NFYB: variants seen among roughly 807,000 people sequenced by gnomAD.
The protein encoded by NFYB is CAAT box DNA-binding protein subunit B.
A neutral mutation model predicts 28.0 loss-of-function variants in NFYB; 13 were observed. The ratio of observed to expected loss-of-function variants is 0.46; its 90% CI spans 0.30 to 0.74. The LOEUF is 0.74. NFYB is among the 30% of genes least tolerant of loss of function. The probability of loss-of-function intolerance (pLI) is 0.07; values close to 1 mark genes in which losing one functional copy is unlikely to be tolerated. For synonymous variants in NFYB, 74 were observed against 75.0 expected, an observed-to-expected ratio of 0.99 and a Z score of 0.07; for missense variants, 142 against 247.6, an observed-to-expected ratio of 0.57 and a Z score of 2.86.
intron 2 of NFYB, among the ~76,000 whole-genome samples, chr12:104,133,779 A>G (rs568847514): frequency 6.4e-4 from 97 of 152,238 alleles, no homozygotes; most frequent in Non-Finnish European, 1.1e-3. Context: ...TTCCTCTTCT[A>G]TAATGTATCT....
chr12:104,131,704 G>A, intron 2 of NFYB: 1 of 455,486 alleles, frequency 2.2e-6, no homozygotes, highest in Non-Finnish European at 4.4e-6. Context: ...ACTGTAGATT[G>A]TCAGTAAGCC....
intron 3 of NFYB, among the ~76,000 whole-genome samples, chr12:104,128,115 A>G (rs1179897028): frequency 2.0e-5 from 3 of 152,182 alleles, no homozygotes; most frequent in Non-Finnish European, 4.4e-5. Context: ...TAGTTACCCT[A>G]TCAATTGATT....
intron 2 of NFYB, chr12:104,131,907 G>A (rs1441509532): frequency 5.4e-6 from 2 of 371,356 alleles, no homozygotes; most frequent in Non-Finnish European, 1.1e-5. Context: ...CTCTGGAATC[G>A]AATCACCTAG....
chr12:104,124,019 CT>C (rs2030586964), intron 4 of NFYB, among the ~76,000 whole-genome samples: 1 of 152,128 alleles, frequency 6.6e-6, no homozygotes. Context: ...CTGGATGTTC[CT>C]ACCACCCCAC....
At chr12:104,133,304 T>C (rs1415742262) in intron 2 of NFYB, among the ~76,000 whole-genome samples, 1 of 152,232 alleles carries the variant, frequency 6.6e-6, no homozygotes, top group African/African-American at 2.4e-5. Flanking sequence ...CATTCCTGCC[T>C]GGTAGTTTTT....
chr12:104,125,414 G>A (rs1041038049), intron 4 of NFYB: 4 of 151,838 alleles, frequency 2.6e-5, no homozygotes, highest in Non-Finnish European at 5.8e-5. Context: ...TTGAACCTGG[G>A]AGGTGGAGGT....
chr12:104,137,984 G>A (rs1477729875), intron 1 of NFYB, 157 bp downstream of exon 1: 1 of 145,392 alleles, frequency 6.9e-6, no homozygotes, highest in Admixed American at 6.8e-5. Flanking sequence ...TCGCAGGCGC[G>A]GGGCCCGGCC....
rs748853234 is a variant in NFYB at position 104,135,447 on chromosome 12, C to G, written c.6+1G>C. On this transcript the variant is annotated splice_donor_variant, in intron 2 of 7. Coordinates refer to ENST00000240055, the MANE Select transcript of NFYB (RefSeq NM_006166.4). LOFTEE classifies it high-confidence loss of function. ...CAACCAAAATGGTAAAATATACTTACTGTCATGAAATACTGTCAGAACCGT... is the reference window on the plus strand; with the variant it reads ...CAACCAAAATGGTAAAATATACTTAGTGTCATGAAATACTGTCAGAACCGT... The G allele has an allele frequency of 3.8e-6, 6 of 1,590,994 alleles. No individual in the cohort carries two copies. Among genetic ancestry groups the G allele is most frequent in the Non-Finnish European group, 4.3e-6 (5 of 1,171,324 alleles).
At chr12:104,126,085 A>G (rs777664845) in intron 4 of NFYB, 29 bp downstream of exon 4, 1 of 1,543,922 alleles carries the variant, frequency 6.5e-7, no homozygotes, top group African/African-American at 1.4e-5. Flanking sequence ...CCCTTGAAAA[A>G]ACCTAGTTAA....
rs1238181073 is a variant in NFYB, at chr12:104,138,201, G to C, written c.-140C>G. 6.7e-6 allele frequency: 1 copy of C among 148,450 alleles called. No homozygotes were observed. Among genetic ancestry groups the C allele is most frequent in the Admixed American group, 6.7e-5 (1 of 14,906 alleles). 9.2% of individuals were successfully genotyped at this position (148,450 alleles called of 1,614,324 possible). Reference sequence around the variant, plus strand: ...CGGCTGTTTGGTTGGACAGAAAATGGCTGCGAAGGAACCAGTCCCAGCGCG... The same window carrying C: ...CGGCTGTTTGGTTGGACAGAAAATGCCTGCGAAGGAACCAGTCCCAGCGCG... On this transcript the variant is annotated 5_prime_UTR_variant, in exon 1 of 8. Coordinates refer to ENST00000240055, the MANE Select transcript of NFYB (RefSeq NM_006166.4).
In NFYB at chr12:104,127,055, G is replaced by A. The variant is rs117391966; in HGVS notation, c.101-811C>T. Among the ~76,000 whole-genome samples, 8 of 152,288 alleles carry A rather than the reference G, an allele frequency of 5.3e-5. No homozygotes were observed. In the East Asian group the frequency reaches 1.2e-3, roughly 22 times the overall value. On this transcript the variant is annotated intron_variant, in intron 3 of 7. Transcript: ENST00000240055. The stretch of plus-strand genomic sequence containing the variant: ...TTTAGCTATAACTGAAGCTTGCGCA[G>A]TACCAATAACATCCTTTTATGACTA...
intron 2 of NFYB, chr12:104,131,948 G>A (rs943304266): frequency 1.1e-5 from 4 of 351,156 alleles, no homozygotes; most frequent in South Asian, 4.3e-5. Flanking sequence ...CCATGAGACC[G>A]TGAACAAACT....
chr12:104,124,567 T>TATAAA (rs938243398), intron 4 of NFYB, among the ~76,000 whole-genome samples: 3 of 152,178 alleles, frequency 2.0e-5, no homozygotes, highest in Non-Finnish European at 4.4e-5. Flanking sequence ...CTAGTAGCCA[T>TATAAA]ATAAAATAAA....
In NFYB at chr12:104,123,232, G is replaced by A; in HGVS notation, c.423C>T (p.Phe141=). ...TGGGAGATATTTTATTTACCTCTCT[G>A]AATTTCTGAAGGTATAATTTCAGAG... ...VEPLKLYLQK[F]REAMKGEKGI... Residue 141 remains phenylalanine, a synonymous_variant, in exon 5 of 8, where the codon TTC becomes TTT. Transcript: ENST00000240055. The A allele has an allele frequency of 6.2e-7, 1 of 1,605,276 alleles. No individual in the cohort carries two copies. Among genetic ancestry groups the A allele is most frequent in the East Asian group, 2.2e-5 (1 of 44,838 alleles).
Position 104,123,731 on chromosome 12 carries a change from G to A in NFYB, c.232-308C>T, listed in dbSNP as rs1036504908. ...TCCCAGCACTTTGGGAGGCCGAGGC[G>A]GGCGGATGACCTGAGGTCAGGAGTT... On this transcript the variant is annotated intron_variant, in intron 4 of 7. Coordinates refer to ENST00000240055, the MANE Select transcript of NFYB (RefSeq NM_006166.4). Among the ~76,000 whole-genome samples the A allele has an allele frequency of 2.6e-5, 4 of 152,064 alleles. No homozygotes were observed. In the South Asian group the frequency reaches 8.3e-4, roughly 32 times the overall value.
chr12:104,128,558 C>G lies in NFYB; in HGVS notation c.7-41G>C, dbSNP rs543755596. On this transcript the variant is annotated intron_variant, in intron 2 of 7. Coordinates refer to ENST00000240055, the MANE Select transcript of NFYB (RefSeq NM_006166.4). Reference sequence around the variant, plus strand: ...CAGTTTTTCAATACTTTTCAAAGTACTAACAAACGTAACAGATTCAACACT... The same window carrying G: ...CAGTTTTTCAATACTTTTCAAAGTAGTAACAAACGTAACAGATTCAACACT... The G allele has an allele frequency of 5.4e-5, 74 of 1,383,098 alleles. No individual in the cohort carries two copies. In the South Asian group the frequency reaches 8.2e-4, roughly 15 times the overall value. 85.7% of individuals were successfully genotyped at this position (1,383,098 alleles called of 1,614,324 possible).
At chr12:104,133,454 G>A (rs2030995784) in intron 2 of NFYB, among the ~76,000 whole-genome samples, 1 of 152,320 alleles carries the variant, frequency 6.6e-6, no homozygotes, top group African/African-American at 2.4e-5. Context: ...CCTGGACGAC[G>A]GTGAGGAGCA....
At chr12:104,134,208 C>T (rs1204183827) in intron 2 of NFYB, among the ~76,000 whole-genome samples, 1 of 152,200 alleles carries the variant, frequency 6.6e-6, no homozygotes, top group Non-Finnish European at 1.5e-5. Flanking sequence ...CACTAAATAT[C>T]ACTTCTATGC....
chr12:104,133,072 G>T (rs1042087323), intron 2 of NFYB, among the ~76,000 whole-genome samples: 8 of 151,964 alleles, frequency 5.3e-5, no homozygotes, highest in South Asian at 2.1e-4. Context: ...TTATTTTTTT[G>T]ATGTAGCCGT....
Sources: gnomAD v4.1 joint callset for allele counts (sites outside exome capture counted in the v4.1 genomes callset) on GRCh38, gnomAD v4.1.1 for gene constraint, MANE v1.5 for transcripts, NCBI Gene and HGNC (gene_info 2026-07-23, HGNC 2026-07-21) for gene names.